ANKRD26: variants seen among roughly 807,000 people sequenced by gnomAD.
ANKRD26 encodes ankyrin repeat domain 26.
Under a neutral mutation model 208.7 loss-of-function variants are expected in ANKRD26, and 141 were observed. The observed-to-expected ratio is 0.68, with a 90% CI of 0.59 to 0.78. The LOEUF is 0.78. Ranked by LOEUF, ANKRD26 falls within the 30% of genes least tolerant of loss-of-function variation. ANKRD26 has a pLI of 0.00. For missense variants in ANKRD26, 1,889 were observed against 1,938.7 expected, an observed-to-expected ratio of 0.97 and a Z score of 0.48; for synonymous variants, 636 against 660.4, an observed-to-expected ratio of 0.96 and a Z score of 0.57.
Position 27,053,393 on chromosome 10 carries a change from G to GA in ANKRD26, c.1565-4dup, listed in dbSNP as rs767365807. 4.7e-5 allele frequency: 76 copies of GA among 1,607,600 alleles called. No individual in the cohort carries two copies. The Middle Eastern group carries it at 8.3e-4, about 18-fold the overall frequency. On this transcript the variant is annotated splice_region_variant and splice_polypyrimidine_tract_variant and intron_variant, in intron 15 of 33. Coordinates refer to ENST00000376087, the MANE Select transcript of ANKRD26 (RefSeq NM_014915.3). Reference sequence around the variant, plus strand: ...TGCTACTTCTAAGTCATGTTCAGCTGAAAAAATCCAAATATTTAGTTTAAT... The same window carrying GA: ...TGCTACTTCTAAGTCATGTTCAGCTGAAAAAAATCCAAATATTTAGTTTAAT...
intron 11 of ANKRD26, among the ~76,000 whole-genome samples, chr10:27,065,737 A>AAC (rs1554788564): frequency 9.3e-5 from 14 of 150,014 alleles, no homozygotes; most frequent in South Asian, 8.4e-4. Flanking sequence ...AAAAACAAAA[A>AAC]AAAAAAACAA....
intron 4 of ANKRD26, among the ~76,000 whole-genome samples, chr10:26,995,814 A>G (rs2052579792): frequency 6.6e-6 from 1 of 152,174 alleles, no homozygotes; most frequent in Non-Finnish European, 1.5e-5. Context: ...TGAGGGGAAG[A>G]GAGTGTGTCT....
chr10:27,061,471 CTATCGT>C (rs1261964555), intron 12 of ANKRD26, among the ~76,000 whole-genome samples: 5 of 151,744 alleles, frequency 3.3e-5, no homozygotes, highest in African/African-American at 1.2e-4. Context: ...TATGAAACAG[CTATCGT>C]TATCAAAAAG....
At chr10:27,066,064 T>C (rs566304468) in intron 11 of ANKRD26, among the ~76,000 whole-genome samples, 91 of 152,012 alleles carry the variant, frequency 6.0e-4, no homozygotes, top group Non-Finnish European at 1.0e-3. Context: ...GACTTCACCA[T>C]GTTGGCCAGG....
At chr10:27,060,606 G>A in intron 13 of ANKRD26, 66 bp from the exon 14 acceptor site, 1 of 1,183,618 alleles carries the variant, frequency 8.4e-7, no homozygotes, top group Non-Finnish European at 1.2e-6. Context: ...ATAAATTCAT[G>A]CAGTGTTAGT....
chr10:26,958,218 G>A, the ANKRD26 span, among the ~76,000 whole-genome samples: 15 of 152,154 alleles, frequency 9.9e-5, no homozygotes, highest in East Asian at 2.9e-3. Context: ...AAGTAGGTGG[G>A]ATTATAGGTG....
chr10:27,021,142 G>A (rs1044060288), intron 29 of ANKRD26, among the ~76,000 whole-genome samples: 10 of 152,090 alleles, frequency 6.6e-5, no homozygotes, highest in Admixed American at 6.6e-4. Flanking sequence ...AGCGTCTGTT[G>A]TTTTCACCTT....
At chr10:27,046,189 A>C in intron 18 of ANKRD26, 164 bp downstream of exon 18, 1 of 756,104 alleles carries the variant, frequency 1.3e-6, no homozygotes, top group Non-Finnish European at 2.1e-6. Context: ...GTGACCATTT[A>C]TTGAAATGGC....
At chr10:26,965,213 G>A in the ANKRD26 span, among the ~76,000 whole-genome samples, 50,302 of 151,988 alleles carry the variant, frequency 0.33, 10,586 homozygotes, top group Non-Finnish European at 0.47. Flanking sequence ...GAGGCATCAC[G>A]CTACCTGACT....
chr10:27,010,587 C>T (rs2053064233), intron 32 of ANKRD26, among the ~76,000 whole-genome samples: 1 of 152,122 alleles, frequency 6.6e-6, no homozygotes, highest in Admixed American at 6.5e-5. Flanking sequence ...CCTTGAGCTC[C>T]TGAGCTCAAG....
chr10:27,035,463 T>A lies in ANKRD26; in HGVS notation c.2987A>T (p.Lys996Met). ...AMLNSKLENEKQSKERLEAEV... is the reference protein window; with the variant it reads ...AMLNSKLENEMQSKERLEAEV... ...TGCTTCCAGTCTTTCCTTGCTTTGC[T>A]TTTCATTCTCCAGTTTAGAATTTAG... Residue 996 changes from lysine (K) to methionine (M), a missense_variant, in exon 24 of 34, where the codon AAG becomes ATG. Lys to Met is a moderately conservative substitution (Grantham distance 95). Transcript: ENST00000376087. 1 of 1,614,088 alleles carries A rather than the reference T, an allele frequency of 6.2e-7. No individual in the cohort carries two copies.
At chr10:27,061,845 AACCACC>A (rs1284841717) in intron 12 of ANKRD26, 7 of 859,402 alleles carry the variant, frequency 8.1e-6, no homozygotes, top group Non-Finnish European at 9.8e-6. Flanking sequence ...GTGACAGGCA[AACCACC>A]AAGATCAGTC....
intron 32 of ANKRD26, among the ~76,000 whole-genome samples, chr10:27,007,874 C>T (rs896499134): frequency 2.0e-5 from 3 of 151,956 alleles, no homozygotes; most frequent in Non-Finnish European, 4.4e-5. Context: ...CATGTAAACA[C>T]AAAATTTGCT....
At chr10:26,965,087 A>T in the ANKRD26 span, among the ~76,000 whole-genome samples, 2 of 152,210 alleles carry the variant, frequency 1.3e-5, no homozygotes, top group Admixed American at 1.3e-4. Context: ...TGCCATCCCC[A>T]TCAAGCTACC....
intron 20 of ANKRD26, among the ~76,000 whole-genome samples, chr10:27,042,739 C>T (rs895741999): frequency 1.1e-4 from 16 of 144,008 alleles, no homozygotes; most frequent in African/African-American, 2.6e-4. Context: ...GACGACAGAG[C>T]GAGACTCCAT....
chr10:27,014,602 T>C lies in ANKRD26; in HGVS notation c.4616A>G (p.Lys1539Arg), dbSNP rs374895454. Residue 1539 changes from lysine to arginine, a missense_variant, in exon 31 of 34, where the codon AAA becomes AGA. Lys to Arg is a conservative substitution (Grantham distance 26). Coordinates refer to ENST00000376087, the MANE Select transcript of ANKRD26 (RefSeq NM_014915.3). Reference sequence around the variant, plus strand: ...AAAGTCTTCTTGAGAAGTTTTTATTTTGGAGAGTTCAGATTCCAGATCTTT... The same window carrying C: ...AAAGTCTTCTTGAGAAGTTTTTATTCTGGAGAGTTCAGATTCCAGATCTTT... Reference protein sequence around the residue: ...RIKDLESELSKIKTSQEDFNK... With the variant: ...RIKDLESELSRIKTSQEDFNK... The C allele has an allele frequency of 5.6e-6, 9 of 1,612,218 alleles. No homozygotes were observed. The highest frequency in any genetic ancestry group is 1.3e-5 in the African/African-American group (1 of 74,882).
At chr10:26,996,300 G>A (rs1327035018) in intron 4 of ANKRD26, among the ~76,000 whole-genome samples, 2 of 152,162 alleles carry the variant, frequency 1.3e-5, no homozygotes, top group Admixed American at 1.3e-4. Flanking sequence ...AGTGGCTCAT[G>A]CCTGTAATCC....
chr10:26,983,606 G>C (rs1044497290), intron 3 of ANKRD26, among the ~76,000 whole-genome samples: 6 of 152,122 alleles, frequency 3.9e-5, no homozygotes, highest in Admixed American at 3.9e-4. Flanking sequence ...ATTTTTAGCT[G>C]AGTTGGCCAA....
rs1589393792 is a variant in ANKRD26, at chr10:27,100,452, A to G, written c.-126T>C. The G allele has an allele frequency of 7.2e-7, 1 of 1,392,578 alleles. No individual in the cohort carries two copies. The highest frequency in any genetic ancestry group is 1.4e-5 in the African/African-American group (1 of 69,538). The allele number at this position is 1,392,578 out of a possible 1,614,324, so 86.3% of individuals were successfully genotyped here. On this transcript the variant is annotated 5_prime_UTR_variant, in exon 1 of 34. Transcript: ENST00000376087. ...CCCAAAGGAAACTCCGCGGTTTCCA[A>G]TCTCTCCCTCCGGGTTACCAAGCAA...
Sources: gnomAD v4.1 joint callset for allele counts (sites outside exome capture counted in the v4.1 genomes callset) on GRCh38, gnomAD v4.1.1 for gene constraint, MANE v1.5 for transcripts, NCBI Gene and HGNC (gene_info 2026-07-23, HGNC 2026-07-21) for gene names.